Variants in U2SURP observed in about 807,000 individuals in gnomAD.
The protein encoded by U2SURP is U2 snRNP-associated SURP motif-containing protein.
In U2SURP, 9 loss-of-function variants were observed where a neutral mutation model predicts 144.9. The ratio of observed to expected loss-of-function variants is 0.06; its 90% CI spans 0.04 to 0.11. The LOEUF (loss-of-function observed/expected upper bound fraction) is 0.11. Ranked by LOEUF, U2SURP falls within the 10% of genes least tolerant of loss-of-function variation. The probability of loss-of-function intolerance (pLI) is 1.00; values close to 1 mark genes in which losing one functional copy is unlikely to be tolerated. For missense variants in U2SURP, 724 were observed against 1,226.7 expected, an observed-to-expected ratio of 0.59 and a Z score of 6.12; for synonymous variants, 408 against 396.8, an observed-to-expected ratio of 1.03 and a Z score of -0.33.
chr3:143,040,199 T>G (rs1934033036), intron 23 of U2SURP, among the ~76,000 whole-genome samples: 1 of 151,952 alleles, frequency 6.6e-6, no homozygotes, highest in African/African-American at 2.4e-5. Context: ...GTTTTATTTC[T>G]AAAGGTATTA....
At chr3:143,055,179 C>A in intron 27 of U2SURP, 60 bp downstream of exon 27, 1 of 1,383,628 alleles carries the variant, frequency 7.2e-7, no homozygotes, top group Non-Finnish European at 9.6e-7. Flanking sequence ...ATTTCATCAG[C>A]TTTTGAAAAT....
intron 1 of U2SURP, among the ~76,000 whole-genome samples, chr3:143,009,530 G>A (rs756853655): frequency 3.9e-5 from 6 of 151,936 alleles, no homozygotes; most frequent in Admixed American, 1.3e-4. Flanking sequence ...CCCGGGAGGC[G>A]GAGGCTGCAG....
chr3:143,026,981 T>G, intron 13 of U2SURP, 168 bp from the exon 14 acceptor site: 2 of 552,902 alleles, frequency 3.6e-6, no homozygotes, highest in Non-Finnish European at 6.5e-6. Context: ...CCACACCCTC[T>G]TAATGCACAA....
chr3:143,022,911 T>A lies in U2SURP; in HGVS notation c.1077T>A (p.Pro359=). 1 of 1,612,210 alleles carries A rather than the reference T, an allele frequency of 6.2e-7. No individual in the cohort carries two copies. ...KLGWGKAVPI[P]PHPIYIPPSM... ...GTTGGGGTAAAGCTGTACCTATTCCTCCACATCCAATATACATTCCGCCTT... is the reference window on the plus strand; with the variant it reads ...GTTGGGGTAAAGCTGTACCTATTCCACCACATCCAATATACATTCCGCCTT... The change falls in exon 12 of 28, where the codon CCT becomes CCA. Residue 359 remains proline (P), a synonymous_variant. Transcript: ENST00000473835.
chr3:143,046,327 T>A (rs1434117396), intron 24 of U2SURP, among the ~76,000 whole-genome samples: 2 of 147,260 alleles, frequency 1.4e-5, no homozygotes, highest in Non-Finnish European at 3.0e-5. Flanking sequence ...TTTTATTTTT[T>A]ATTTTTTTTT....
rs1451739944 is a variant in U2SURP, at chr3:143,059,595, C to A, written c.*3145C>A. On this transcript the variant is annotated 3_prime_UTR_variant, in exon 28 of 28. Coordinates refer to ENST00000473835, the MANE Select transcript of U2SURP (RefSeq NM_001080415.2). ...ATTCAAAATAAGGGTAAATAAATCT[C>A]TGTATTGCCAAAGTGACTTAAACTG... 6.6e-6 allele frequency: 1 copy of A among 151,880 alleles called. No homozygotes were observed. 9.4% of individuals were successfully genotyped at this position (151,880 alleles called of 1,614,324 possible).
chr3:143,027,203 A>C lies in U2SURP; in HGVS notation c.1329A>C (p.Pro443=), dbSNP rs773818459. ...TAGAGTTTGTTGTACGTGAAGGGCC[A>C]ATGTTTGAAGCTATGATTATGAACA... The part of the protein sequence containing the change: ...RMIEFVVREG[P]MFEAMIMNRE... The change falls in exon 14 of 28, where the codon CCA becomes CCC. Residue 443 remains proline (P), a synonymous_variant. Coordinates refer to ENST00000473835, the MANE Select transcript of U2SURP (RefSeq NM_001080415.2). 9.3e-6 allele frequency: 15 copies of C among 1,612,990 alleles called. No individual in the cohort carries two copies. Among genetic ancestry groups the C allele is most frequent in the East Asian group, 2.2e-5 (1 of 44,862 alleles).
chr3:143,025,060 G>A (rs1316959765), intron 13 of U2SURP, among the ~76,000 whole-genome samples: 1 of 152,040 alleles, frequency 6.6e-6, no homozygotes, highest in Admixed American at 6.6e-5. Flanking sequence ...TGTGATTACA[G>A]TTCTTTAGTA....
At chr3:143,045,525 A>G (rs1934388425) in intron 24 of U2SURP, among the ~76,000 whole-genome samples, 1 of 152,136 alleles carries the variant, frequency 6.6e-6, no homozygotes, top group African/African-American at 2.4e-5. Context: ...CTGTTTCCTT[A>G]TTAACTTAAA....
chr3:143,045,366 CAAAAAAAAAAAAAA>C (rs11356372), intron 24 of U2SURP, among the ~76,000 whole-genome samples: 1 of 75,424 alleles, frequency 1.3e-5, no homozygotes, highest in African/African-American at 5.2e-5. Flanking sequence ...GAGACGCCGT[CAAAAAAAAAAAAAA>C]AAAAAAAAAG....
At chr3:143,035,509 A>G (rs1265022676) in intron 19 of U2SURP, among the ~76,000 whole-genome samples, 1 of 152,190 alleles carries the variant, frequency 6.6e-6, no homozygotes, top group Non-Finnish European at 1.5e-5. Flanking sequence ...CCCATTTTAA[A>G]AGTTTTTGAC....
At chr3:143,048,065 T>A (rs1238301474) in intron 24 of U2SURP, among the ~76,000 whole-genome samples, 1 of 152,238 alleles carries the variant, frequency 6.6e-6, no homozygotes, top group African/African-American at 2.4e-5. Context: ...TCTGTCTTGT[T>A]GGAAGAGAGA....
rs116695055 is a variant in U2SURP at position 143,053,936 on chromosome 3, A to C, written c.2774+142A>C. ...TTTGGGTCCTGCTTGCAGAAGGCAG[A>C]AATAGCGGAGAAATGGGGCATTTAG... On this transcript the variant is annotated intron_variant, in intron 26 of 27. Coordinates refer to ENST00000473835, the MANE Select transcript of U2SURP (RefSeq NM_001080415.2). The C allele has an allele frequency of 1.9e-4, 130 of 673,586 alleles. No individual in the cohort carries two copies. In the African/African-American group the frequency reaches 2.2e-3, roughly 11 times the overall value. 41.7% of individuals were successfully genotyped at this position (673,586 alleles called of 1,614,324 possible).
At chr3:143,040,553 G>A (rs754862804) in intron 23 of U2SURP, among the ~76,000 whole-genome samples, 7 of 151,770 alleles carry the variant, frequency 4.6e-5, no homozygotes, top group Non-Finnish European at 4.4e-5. Context: ...TGGCAGAAAT[G>A]TGATTTTTAA....
In U2SURP at chr3:143,057,399, T is replaced by TCCC. The variant is rs10655158; in HGVS notation, c.*955_*957dup. On this transcript the variant is annotated 3_prime_UTR_variant, in exon 28 of 28. Transcript: ENST00000473835. ...GTTTGTGTTTAAACAGCTTAGTTGGTCCCCCCCCACTCCCAAGAGACTTGG... is the reference window on the plus strand; with the variant it reads ...GTTTGTGTTTAAACAGCTTAGTTGGTCCCCCCCCCCCACTCCCAAGAGACTTGG... 2.4e-3 allele frequency: 357 copies of TCCC among 150,692 alleles called. No homozygotes were observed. The highest frequency in any genetic ancestry group is 0.014 in the Middle Eastern group (4 of 292). 9.3% of individuals were successfully genotyped at this position (150,692 alleles called of 1,614,324 possible). A position where few individuals can be genotyped will look rare whatever the true frequency, so the allele number is the denominator to read the frequency against.
chr3:143,014,739 A>G (rs1356959479), intron 4 of U2SURP, among the ~76,000 whole-genome samples: 1 of 151,922 alleles, frequency 6.6e-6, no homozygotes, highest in South Asian at 2.1e-4. Flanking sequence ...CTTTTTTCCT[A>G]CTTGCTTTTT....
At chr3:143,009,248 C>T (rs1935996848) in intron 1 of U2SURP, among the ~76,000 whole-genome samples, 1 of 152,096 alleles carries the variant, frequency 6.6e-6, no homozygotes, top group South Asian at 2.1e-4. Context: ...AGATTAGCCG[C>T]TAGAAGAAAA....
intron 1 of U2SURP, among the ~76,000 whole-genome samples, chr3:143,006,427 T>A (rs1935836145): frequency 6.6e-6 from 1 of 152,086 alleles, no homozygotes; most frequent in Non-Finnish European, 1.5e-5. Flanking sequence ...ATCTTGTGCT[T>A]GATGTTGAGT....
chr3:143,021,682 T>G, intron 10 of U2SURP, 127 bp downstream of exon 10: 1 of 904,130 alleles, frequency 1.1e-6, no homozygotes, highest in Non-Finnish European at 1.7e-6. Context: ...TTTAGAGTTG[T>G]CTTACTGGTA....
Sources: allele counts gnomAD v4.1 joint callset (sites outside exome capture counted in the v4.1 genomes callset), GRCh38; gene constraint gnomAD v4.1.1; transcripts MANE v1.5; gene names NCBI Gene and HGNC (gene_info 2026-07-23, HGNC 2026-07-21).